Variants in ETNK1 observed in about 807,000 individuals in gnomAD.
The protein encoded by ETNK1 is ethanolamine kinase 1.
Under a neutral mutation model 45.1 loss-of-function variants are expected in ETNK1, and 8 were observed. That is an observed-to-expected ratio of 0.18 (90% CI 0.10 to 0.32). The LOEUF (loss-of-function observed/expected upper bound fraction) is 0.32. ETNK1 is among the 10% of genes least tolerant of loss of function. The pLI is 1.00. For synonymous variants in ETNK1, 152 were observed against 151.9 expected, an observed-to-expected ratio of 1.00 and a Z score of -0.01; for missense variants, 302 against 430.6, an observed-to-expected ratio of 0.70 and a Z score of 2.64.
At chr12:22,644,062 G>A (rs1456661208) in intron 2 of ETNK1, 40 bp downstream of exon 2, 2 of 1,545,256 alleles carry the variant, frequency 1.3e-6, no homozygotes, top group Non-Finnish European at 1.8e-6. Flanking sequence ...TGAAAAATAG[G>A]GCATTTAAGT....
chr12:22,633,461 A>T (rs926065151), intron 1 of ETNK1, among the ~76,000 whole-genome samples: 4 of 152,254 alleles, frequency 2.6e-5, no homozygotes, highest in African/African-American at 9.6e-5. Flanking sequence ...TTGGTATTTG[A>T]TGTAGTTATT....
At chr12:22,649,202 A>G (rs1953843948) in intron 2 of ETNK1, among the ~76,000 whole-genome samples, 1 of 152,042 alleles carries the variant, frequency 6.6e-6, no homozygotes. Flanking sequence ...TTTGCAGAGT[A>G]GAAAGTTTTA....
intron 2 of ETNK1, among the ~76,000 whole-genome samples, chr12:22,650,400 T>A (rs1348328341): frequency 6.6e-6 from 1 of 152,042 alleles, no homozygotes; most frequent in Admixed American, 6.6e-5. Flanking sequence ...TTAAGTAGGA[T>A]GTTAGCTGTA....
intron 2 of ETNK1, chr12:22,644,358 T>G: frequency 6.9e-7 from 1 of 1,451,834 alleles, no homozygotes. Context: ...GCTTATTACT[T>G]AATTGTTCAT....
At chr12:22,681,442 GATACCATCT>G (rs1954214941) in intron 6 of ETNK1, among the ~76,000 whole-genome samples, 1 of 151,950 alleles carries the variant, frequency 6.6e-6, no homozygotes, top group South Asian at 2.1e-4. Flanking sequence ...AAGAGATTAG[GATACCATCT>G]ATAGGTGATT....
At chr12:22,626,951 A>G (rs906919219) in intron 1 of ETNK1, among the ~76,000 whole-genome samples, 1 of 152,152 alleles carries the variant, frequency 6.6e-6, no homozygotes, top group Non-Finnish European at 1.5e-5. Context: ...AAATTTATTA[A>G]GATGATTTGT....
At chr12:22,649,442 AG>A (rs1953847256) in intron 2 of ETNK1, among the ~76,000 whole-genome samples, 1 of 152,092 alleles carries the variant, frequency 6.6e-6, no homozygotes. Context: ...GTGAAGGTCC[AG>A]TTGTTCAGCA....
At chr12:22,667,585 CCT>C (rs898156509) in intron 4 of ETNK1, among the ~76,000 whole-genome samples, 2 of 152,072 alleles carry the variant, frequency 1.3e-5, no homozygotes, top group African/African-American at 4.8e-5. Context: ...TAGAATACTC[CCT>C]GTCTTTTTCT....
chr12:22,659,634 G>A (rs1015746306), intron 3 of ETNK1, among the ~76,000 whole-genome samples: 2 of 152,138 alleles, frequency 1.3e-5, no homozygotes, highest in Non-Finnish European at 2.9e-5. Context: ...GGAAATTACA[G>A]TAGTAGTATA....
chr12:22,650,310 C>A (rs188083818), intron 2 of ETNK1, among the ~76,000 whole-genome samples: 1 of 150,400 alleles, frequency 6.6e-6, no homozygotes, highest in African/African-American at 2.4e-5. Flanking sequence ...ACTTTCAGTA[C>A]AGTGTTAAAA....
chr12:22,641,160 C>T (rs1953730991), intron 1 of ETNK1, among the ~76,000 whole-genome samples: 1 of 152,064 alleles, frequency 6.6e-6, no homozygotes, highest in Non-Finnish European at 1.5e-5. Flanking sequence ...GTTTATTACT[C>T]ACTGCAGTAA....
Position 22,644,465 on chromosome 12 carries a change from C to T in ETNK1, c.416+443C>T, listed in dbSNP as rs1953781293. ...TATTTAATTTAATATATTATGTTTTCTATAAAGAATAATGTCATATATGCT... is the reference window on the plus strand; with the variant it reads ...TATTTAATTTAATATATTATGTTTTTTATAAAGAATAATGTCATATATGCT... On this transcript the variant is annotated intron_variant, in intron 2 of 7. Coordinates refer to ENST00000266517, the MANE Select transcript of ETNK1 (RefSeq NM_018638.5). 5 of 873,220 alleles carry T rather than the reference C, an allele frequency of 5.7e-6. No homozygotes were observed. The South Asian group carries it at 2.7e-4, about 48-fold the overall frequency. The allele number at this position is 873,220 out of a possible 1,614,324, so 54.1% of individuals were successfully genotyped here. A position where few individuals can be genotyped will look rare whatever the true frequency, so the allele number is the denominator to read the frequency against.
At chr12:22,662,156 C>T (rs759413256) in intron 4 of ETNK1, among the ~76,000 whole-genome samples, 2 of 150,574 alleles carry the variant, frequency 1.3e-5, no homozygotes, top group East Asian at 2.0e-4. Flanking sequence ...TAACTTCCGC[C>T]TCCCAAGTTC....
At chr12:22,643,287 G>T (rs1163860346) in intron 1 of ETNK1, among the ~76,000 whole-genome samples, 1 of 151,862 alleles carries the variant, frequency 6.6e-6, no homozygotes, top group Non-Finnish European at 1.5e-5. Context: ...TGTTGTTAAG[G>T]ACTTCTATAA....
chr12:22,669,488 T>C (rs1954086249), intron 4 of ETNK1, among the ~76,000 whole-genome samples: 1 of 152,164 alleles, frequency 6.6e-6, no homozygotes, highest in Non-Finnish European at 1.5e-5. Flanking sequence ...AGTATCTCCT[T>C]TTCATGACAT....
intron 1 of ETNK1, among the ~76,000 whole-genome samples, chr12:22,630,572 T>G (rs1953564046): frequency 1.3e-5 from 2 of 152,182 alleles, no homozygotes; most frequent in Admixed American, 1.3e-4. Context: ...TAGGACATCA[T>G]GGGAAGCCAC....
At chr12:22,674,743 A>T (rs905309196) in intron 6 of ETNK1, among the ~76,000 whole-genome samples, 2 of 152,186 alleles carry the variant, frequency 1.3e-5, no homozygotes, top group African/African-American at 2.4e-5. Context: ...TTAACCATCA[A>T]TCCCACTGTT....
intron 1 of ETNK1, among the ~76,000 whole-genome samples, chr12:22,633,531 G>C (rs1443045907): frequency 6.6e-6 from 1 of 152,162 alleles, no homozygotes; most frequent in Non-Finnish European, 1.5e-5. Flanking sequence ...GACTATTCTT[G>C]ACTTTTTAAG....
chr12:22,661,314 G>A, intron 4 of ETNK1, 109 bp downstream of exon 4: 1 of 779,252 alleles, frequency 1.3e-6, no homozygotes, highest in Non-Finnish European at 1.9e-6. Flanking sequence ...GTAAGAGCGT[G>A]CATGAAACCT....
Sources: gnomAD v4.1 joint callset for allele counts (sites outside exome capture counted in the v4.1 genomes callset) on GRCh38, gnomAD v4.1.1 for gene constraint, MANE v1.5 for transcripts, NCBI Gene and HGNC (gene_info 2026-07-23, HGNC 2026-07-21) for gene names.